SP110: variants seen among roughly 807,000 people sequenced by gnomAD.
SP110 encodes interferon-induced protein 41, 30kD.
In SP110, 62 loss-of-function variants were observed where a neutral mutation model predicts 92.7. The observed-to-expected ratio is 0.67, with a 90% CI of 0.55 to 0.83. The LOEUF is 0.83. Among genes scored for constraint, SP110 ranks in the 40% least tolerant of loss-of-function variants. The pLI is 0.00. For missense variants in SP110, 793 were observed against 863.9 expected, an observed-to-expected ratio of 0.92 and a Z score of 1.03; for synonymous variants, 273 against 305.3, an observed-to-expected ratio of 0.89 and a Z score of 1.10.
intron 1 of SP110, among the ~76,000 whole-genome samples, chr2:230,217,719 C>T (rs766968992): frequency 6.6e-6 from 1 of 152,180 alleles, no homozygotes; most frequent in African/African-American, 2.4e-5. Context: ...ATCCTGATTC[C>T]AGGCTTACAG....
intron 10 of SP110, among the ~76,000 whole-genome samples, chr2:230,198,491 C>T (rs2042980008): frequency 6.6e-6 from 1 of 152,172 alleles, no homozygotes; most frequent in Non-Finnish European, 1.5e-5. Flanking sequence ...GTAATAAAGC[C>T]CCTGATTCTG....
At chr2:230,200,620 A>G in intron 10 of SP110, 1 of 513,436 alleles carries the variant, frequency 1.9e-6, no homozygotes, top group Non-Finnish European at 3.5e-6. Context: ...CCAGTAGTGG[A>G]AAAACTCATT....
intron 12 of SP110, among the ~76,000 whole-genome samples, chr2:230,180,061 G>A (rs1445282267): frequency 6.6e-6 from 1 of 152,220 alleles, no homozygotes; most frequent in Non-Finnish European, 1.5e-5. Flanking sequence ...CCCGGTGGGG[G>A]ATGCTTGGGG....
At chr2:230,181,718 G>C (rs2042135997) in intron 12 of SP110, among the ~76,000 whole-genome samples, 1 of 152,176 alleles carries the variant, frequency 6.6e-6, no homozygotes, top group Admixed American at 6.5e-5. Flanking sequence ...ACATCACTGA[G>C]CATTAGAGAG....
chr2:230,209,922 T>C lies in SP110; in HGVS notation c.829+9A>G, dbSNP rs764998499. The C allele has an allele frequency of 6.4e-7, 1 of 1,556,180 alleles. No individual in the cohort carries two copies. Among genetic ancestry groups the C allele is most frequent in the South Asian group, 1.1e-5 (1 of 89,930 alleles). On this transcript the variant is annotated intron_variant, in intron 7 of 18. Transcript: ENST00000258381. ...CTTCTGACCTCTACAGAAGAAAGGC[T>C]TTTCTTACCTTTCTTGTCTGAAGGT...
At chr2:230,215,201 G>A in intron 2 of SP110, 83 bp from the exon 3 acceptor site, 2 of 1,089,964 alleles carry the variant, frequency 1.8e-6, no homozygotes, top group African/African-American at 1.6e-5. Flanking sequence ...TAAGTTTTAA[G>A]AAAGCTACCT....
chr2:230,196,697 C>T (rs1267075713), intron 10 of SP110, among the ~76,000 whole-genome samples: 2 of 151,528 alleles, frequency 1.3e-5, no homozygotes, highest in South Asian at 2.1e-4. Context: ...CCCTCCTCCC[C>T]GCACCCCACA....
chr2:230,190,725 T>C (rs1048228903), intron 10 of SP110, among the ~76,000 whole-genome samples: 1 of 152,174 alleles, frequency 6.6e-6, no homozygotes, highest in South Asian at 2.1e-4. Flanking sequence ...TCTTCAGTTA[T>C]TTTTTGTATA....
Position 230,172,878 on chromosome 2 carries a change from C to T in SP110, c.1672G>A (p.Glu558Lys), listed in dbSNP as rs746284144. 1 of 1,614,036 alleles carries T rather than the reference C, an allele frequency of 6.2e-7. No homozygotes were observed. Among genetic ancestry groups the T allele is most frequent in the South Asian group, 1.1e-5 (1 of 91,082 alleles). The change falls in exon 15 of 19, where the codon GAG (glutamate) becomes AAG (lysine). Residue 558 changes from glutamate (E) to lysine (K), a missense_variant. Coordinates refer to ENST00000258381, the MANE Select transcript of SP110 (RefSeq NM_080424.4). The part of the protein sequence containing the change: ...CCGTCPRVFH[E>K]DCHIPPVEAK... ...TCCACAGGGGGGATGTGACAGTCCT[C>T]ATGGAAGACTCGTGGACAAGTACCG...
intron 2 of SP110, 27 bp from the exon 3 acceptor site, chr2:230,215,145 T>C: frequency 6.4e-7 from 1 of 1,567,356 alleles, no homozygotes; most frequent in Non-Finnish European, 8.8e-7. Context: ...AAGGTTTTTA[T>C]AAATGACTAT....
chr2:230,168,177 A>G lies in SP110; in HGVS notation c.*947T>C, dbSNP rs553649887. On this transcript the variant is annotated 3_prime_UTR_variant, in exon 19 of 19. Coordinates refer to ENST00000258381, the MANE Select transcript of SP110 (RefSeq NM_080424.4). ...AGCATCAATAAAGGTATTAACTGCAATGGTTTGTAGCATGCTACGTATATT... is the reference window on the plus strand; with the variant it reads ...AGCATCAATAAAGGTATTAACTGCAGTGGTTTGTAGCATGCTACGTATATT... The G allele has an allele frequency of 6.6e-6, 1 of 151,578 alleles. No homozygotes were observed. The highest frequency in any genetic ancestry group is 2.4e-5 in the African/African-American group (1 of 41,412). 9.4% of individuals were successfully genotyped at this position (151,578 alleles called of 1,614,324 possible). A position where few individuals can be genotyped will look rare whatever the true frequency, so the allele number is the denominator to read the frequency against.
At chr2:230,220,773 A>G (rs2045745865), upstream of SP110, among the ~76,000 whole-genome samples, 1 of 152,112 alleles carries the variant, frequency 6.6e-6, no homozygotes, top group Non-Finnish European at 1.5e-5. Context: ...GGAGGCCAAG[A>G]TGGGAGGATT....
At chr2:230,176,777 G>A (rs2041881930) in intron 14 of SP110, 1 of 1,576,602 alleles carries the variant, frequency 6.3e-7, no homozygotes, top group African/African-American at 1.3e-5. Context: ...TTTTTCTTTT[G>A]TAGATACTGG....
intron 14 of SP110, among the ~76,000 whole-genome samples, chr2:230,174,385 A>C (rs1367611345): frequency 2.0e-5 from 3 of 152,184 alleles, no homozygotes; most frequent in Non-Finnish European, 4.4e-5. Flanking sequence ...GCCCACTTTG[A>C]ATGGGGCCCC....
Position 230,211,681 on chromosome 2 carries a change from G to A in SP110, c.668-128C>T. On this transcript the variant is annotated intron_variant, in intron 5 of 18. Coordinates refer to ENST00000258381, the MANE Select transcript of SP110 (RefSeq NM_080424.4). The surrounding 1 kb of genome is among the most constrained non-coding windows in gnomAD (Gnocchi z 4.2). ...TAACAGCAACCAAGGCCTGGGAAAG[G>A]ATGGCATAGAGTGGGAAAGTAAGCA... The A allele has an allele frequency of 2.8e-6, 2 of 706,172 alleles. No homozygotes were observed. The highest frequency in any genetic ancestry group is 3.0e-5 in the South Asian group (2 of 66,776). The allele number at this position is 706,172 out of a possible 1,614,324, so 43.7% of individuals were successfully genotyped here.
At chr2:230,223,086 G>C (rs775301535), upstream of SP110, among the ~76,000 whole-genome samples, 9 of 149,860 alleles carry the variant, frequency 6.0e-5, no homozygotes, top group African/African-American at 2.2e-4. Context: ...CTCCAGGCTA[G>C]AGTGCTGTGG....
intron 11 of SP110, among the ~76,000 whole-genome samples, chr2:230,185,503 G>A (rs116835193): frequency 0.012 from 1,846 of 152,322 alleles, 28 homozygotes; most frequent in Middle Eastern, 0.037. Flanking sequence ...GAGGGAAAGG[G>A]TGTCTGTATG....
intron 10 of SP110, among the ~76,000 whole-genome samples, chr2:230,196,589 T>G (rs1315450728): frequency 6.6e-5 from 10 of 152,088 alleles, no homozygotes; most frequent in Admixed American, 6.5e-4. Context: ...ATGTGCACAA[T>G]GTGCAGGTTT....
intron 17 of SP110, 102 bp from the exon 18 acceptor site, chr2:230,170,863 A>G: frequency 8.2e-7 from 1 of 1,222,764 alleles, no homozygotes; most frequent in Non-Finnish European, 1.2e-6. Flanking sequence ...GGTCATAATG[A>G]TAATACCATT....
Sources: gnomAD v4.1 joint callset for allele counts (sites outside exome capture counted in the v4.1 genomes callset) on GRCh38, gnomAD v4.1.1 for gene constraint, Gnocchi (gnomAD v3.1) non-coding constraint, MANE v1.5 for transcripts, NCBI Gene and HGNC (gene_info 2026-07-23, HGNC 2026-07-21) for gene names.